LPCAT1: variants seen among roughly 807,000 people sequenced by gnomAD.
The protein encoded by LPCAT1 is lysophosphatidylcholine acyltransferase 1, also known as 1-acylglycerol-3-phosphate O-acyltransferase.
LPCAT1 carries 23 observed loss-of-function variants against 60.9 expected under a neutral mutation model. The ratio of observed to expected loss-of-function variants is 0.38; its 90% CI spans 0.27 to 0.53. The LOEUF is 0.53. Among genes scored for constraint, LPCAT1 ranks in the 20% least tolerant of loss-of-function variants. The pLI is 0.82. For synonymous variants in LPCAT1, 340 were observed against 301.1 expected (o/e 1.13, Z -1.34); for missense variants, 622 against 723.6 (o/e 0.86, Z 1.61).
rs532630850 is a variant in LPCAT1, at chr5:1,486,452, C to T, written c.667+1939G>A. Among the ~76,000 whole-genome samples, 18 of 152,252 alleles carry T rather than the reference C, an allele frequency of 1.2e-4. No individual in the cohort carries two copies. The South Asian group carries it at 1.2e-3, about 11-fold the overall frequency. On this transcript the variant is annotated intron_variant, in intron 5 of 13. Coordinates refer to ENST00000283415, the MANE Select transcript of LPCAT1 (RefSeq NM_024830.5). ...GCGGGAAGGTCTCCGGGGATGAAGG[C>T]GGGGAGTCAGCAGTGGTGCCCAAAC... is the stretch of plus-strand genomic sequence containing the variant.
In LPCAT1 at chr5:1,469,053, G is replaced by A. The variant is rs1734560766; in HGVS notation, c.1278+1773C>T. Among the ~76,000 whole-genome samples, 3 of 152,374 alleles carry A rather than the reference G, an allele frequency of 2.0e-5. No homozygotes were observed. In the South Asian group the frequency reaches 6.2e-4, roughly 32 times the overall value. On this transcript the variant is annotated intron_variant, in intron 12 of 13. Coordinates refer to ENST00000283415, the MANE Select transcript of LPCAT1 (RefSeq NM_024830.5). ...GGGGAAGCAGCCTGCAAGAAGGTGG[G>A]AGGAAGGCAGGGCATATGCCGTCAG...
In LPCAT1 at chr5:1,504,044, GCTCTT is replaced by G. The variant is rs375162246; in HGVS notation, c.136-2446_136-2442del. The stretch of plus-strand genomic sequence containing the variant: ...TTGTGACCTAATCATATTAATTTTG[GCTCTT>G]ATTAGTTCCTCTTTCTTCTGCTTTG... On this transcript the variant is annotated intron_variant, in intron 1 of 13. Coordinates refer to ENST00000283415, the MANE Select transcript of LPCAT1 (RefSeq NM_024830.5). Among the ~76,000 whole-genome samples the G allele has an allele frequency of 6.5e-4, 99 of 152,166 alleles. 1 individual carries two copies. Among genetic ancestry groups the G allele is most frequent in the African/African-American group, 2.3e-3 (95 of 41,524 alleles).
At chr5:1,484,507 A>G (rs1447260870) in intron 5 of LPCAT1, among the ~76,000 whole-genome samples, 1 of 152,176 alleles carries the variant, frequency 6.6e-6, no homozygotes, top group Non-Finnish European at 1.5e-5. Context: ...GTGAATCCCC[A>G]GGCAGCGCGT....
intron 1 of LPCAT1, among the ~76,000 whole-genome samples, chr5:1,517,564 C>A (rs1342569150): frequency 6.6e-6 from 1 of 152,204 alleles, no homozygotes; most frequent in African/African-American, 2.4e-5. Flanking sequence ...AGACACCCAG[C>A]AAGTGTGGTA....
chr5:1,489,370 G>C (rs1735485737), intron 4 of LPCAT1, among the ~76,000 whole-genome samples: 1 of 152,224 alleles, frequency 6.6e-6, no homozygotes, highest in Non-Finnish European at 1.5e-5. Flanking sequence ...CTGGGAACCA[G>C]CATACAGACC....
rs1736746541 is a variant in LPCAT1, at chr5:1,523,699, T to C, written c.135+11A>G. On this transcript the variant is annotated intron_variant, in intron 1 of 13. Coordinates refer to ENST00000283415, the MANE Select transcript of LPCAT1 (RefSeq NM_024830.5). The surrounding 1 kb of genome is among the most constrained non-coding windows in gnomAD (Gnocchi z 7.1). ...CGCCGGCTCCCGGGGCCGCGCGCCC[T>C]GGGCACCCACCTGGGCCTTCTGCAG... 3.6e-6 allele frequency: 4 copies of C among 1,102,818 alleles called. No homozygotes were observed. The highest frequency in any genetic ancestry group is 6.5e-5 in the South Asian group (2 of 30,560). The allele number at this position is 1,102,818 out of a possible 1,614,324, so 68.3% of individuals were successfully genotyped here.
At position 1,522,161 on chromosome 5, in the gene LPCAT1, C is replaced by CG. The variant is rs1442675370; in HGVS notation, c.135+1548dup. Among the ~76,000 whole-genome samples, 1 of 151,824 alleles carries CG rather than the reference C, an allele frequency of 6.6e-6. No homozygotes were observed. The highest frequency in any genetic ancestry group is 1.5e-5 in the Non-Finnish European group (1 of 68,014). On this transcript the variant is annotated intron_variant, in intron 1 of 13. Coordinates refer to ENST00000283415, the MANE Select transcript of LPCAT1 (RefSeq NM_024830.5). The surrounding 1 kb of genome is among the most constrained non-coding windows in gnomAD (Gnocchi z 6.8). ...CCACAGCAGGGGTTCGAATTTCATC[C>CG]GGGGGCGTCCCCGCTGAGGGCTTCC...
At chr5:1,467,024 G>T in intron 12 of LPCAT1, 134 bp from the exon 13 acceptor site, 1 of 955,508 alleles carries the variant, frequency 1.0e-6, no homozygotes, top group Non-Finnish European at 1.4e-6. Context: ...GGCTGGACAC[G>T]GGGGACTCGA....
At position 1,521,577 on chromosome 5, in the gene LPCAT1, A is replaced by G; in HGVS notation, c.135+2133T>C. The G allele has an allele frequency of 3.0e-6, 2 of 676,210 alleles. No individual in the cohort carries two copies. Among genetic ancestry groups the G allele is most frequent in the Non-Finnish European group, 3.7e-6 (2 of 547,830 alleles). The allele number at this position is 676,210 out of a possible 1,614,324, so 41.9% of individuals were successfully genotyped here. The stretch of plus-strand genomic sequence containing the variant: ...GCAGAGAACTTTGAGAACGTTTACA[A>G]ACTAAACCCTTGAGCCACACATTGC... On this transcript the variant is annotated intron_variant, in intron 1 of 13. Coordinates refer to ENST00000283415, the MANE Select transcript of LPCAT1 (RefSeq NM_024830.5). The surrounding 1 kb of genome is among the most constrained non-coding windows in gnomAD (Gnocchi z 4.3).
Position 1,523,763 on chromosome 5 carries a change from C to T in LPCAT1, c.82G>A (p.Gly28Arg). ...ASDARLLAPP[G>R]RNPFVHELRL... ...AGCTCGTGCACGAAGGGGTTCCGCC[C>T]CGGGGGCGCCAGCAGCCGAGCGTCG... Residue 28 changes from glycine (G) to arginine (R), a missense_variant, in exon 1 of 14, where the codon GGG becomes AGG. Physicochemically the swap from Gly to Arg is moderately radical, Grantham distance 125. Coordinates refer to ENST00000283415, the MANE Select transcript of LPCAT1 (RefSeq NM_024830.5). The surrounding 1 kb of genome is among the most constrained non-coding windows in gnomAD (Gnocchi z 7.1). 1 of 1,158,776 alleles carries T rather than the reference C, an allele frequency of 8.6e-7. No homozygotes were observed. The highest frequency in any genetic ancestry group is 1.1e-6 in the Non-Finnish European group (1 of 936,376). The allele number at this position is 1,158,776 out of a possible 1,614,324, so 71.8% of individuals were successfully genotyped here. A position where few individuals can be genotyped will look rare whatever the true frequency, so the allele number is the denominator to read the frequency against.
chr5:1,473,496 G>A (rs566573137), intron 11 of LPCAT1, among the ~76,000 whole-genome samples: 12 of 152,236 alleles, frequency 7.9e-5, no homozygotes, highest in African/African-American at 1.4e-4. Flanking sequence ...GATGACGTGC[G>A]GAGGGCAGAG....
rs530971982 is a variant in LPCAT1, at chr5:1,505,917, C to A, written c.136-4314G>T. Among the ~76,000 whole-genome samples, 4 of 152,360 alleles carry A rather than the reference C, an allele frequency of 2.6e-5. No homozygotes were observed. In the South Asian group the frequency reaches 8.3e-4, roughly 32 times the overall value. On this transcript the variant is annotated intron_variant, in intron 1 of 13. Transcript: ENST00000283415. The stretch of plus-strand genomic sequence containing the variant: ...GTGACGCTCCCCACCAGTCAGTGCA[C>A]CTGCTCCTGTTGGTGTCCCAGAAGA...
intron 12 of LPCAT1, among the ~76,000 whole-genome samples, chr5:1,470,349 G>A (rs1734616170): frequency 1.3e-5 from 2 of 152,238 alleles, no homozygotes; most frequent in Non-Finnish European, 2.9e-5. Flanking sequence ...CAAGTCCTGA[G>A]GGCTTCCCAG....
intron 1 of LPCAT1, among the ~76,000 whole-genome samples, chr5:1,519,527 C>T (rs1329612726): frequency 2.6e-5 from 4 of 152,356 alleles, no homozygotes; most frequent in South Asian, 2.1e-4. Context: ...GGAACGCTCT[C>T]GATGACTTTG....
chr5:1,498,537 A>C (rs1579798064), intron 2 of LPCAT1, among the ~76,000 whole-genome samples: 2 of 152,182 alleles, frequency 1.3e-5, no homozygotes, highest in Non-Finnish European at 2.9e-5. Flanking sequence ...ACATGCACAC[A>C]CACACTCATA....
Position 1,521,800 on chromosome 5 carries a change from G to A in LPCAT1, c.135+1910C>T, listed in dbSNP as rs921531351. On this transcript the variant is annotated intron_variant, in intron 1 of 13. Transcript: ENST00000283415. This position sits in a 1 kb window ranked among gnomAD's most constrained non-coding sequence, Gnocchi z 4.3. ...ACCAGGAGCCTCTCGATGACCCCCT[G>A]CCCAAGAGCCACTGGGAGCAGCTTG... 1.3e-5 allele frequency among the ~76,000 whole-genome samples: 2 copies of A among 152,090 alleles called. No individual in the cohort carries two copies. Among genetic ancestry groups the A allele is most frequent in the African/African-American group, 4.8e-5 (2 of 41,422 alleles).
intron 2 of LPCAT1, among the ~76,000 whole-genome samples, chr5:1,498,492 A>AT (rs1472424953): frequency 6.6e-6 from 1 of 152,140 alleles, no homozygotes; most frequent in Non-Finnish European, 1.5e-5. Flanking sequence ...GCACACATTC[A>AT]CACACATACA....
intron 11 of LPCAT1, 61 bp downstream of exon 11, chr5:1,473,896 T>C (rs1428171463): frequency 7.6e-6 from 12 of 1,574,042 alleles, no homozygotes; most frequent in Admixed American, 5.5e-5. Flanking sequence ...ATGAGAACAA[T>C]TTATGCTTCA....
chr5:1,476,844 G>C lies in LPCAT1; in HGVS notation c.899+560C>G, dbSNP rs192378628. Among the ~76,000 whole-genome samples, 347 of 148,140 alleles carry C rather than the reference G, an allele frequency of 2.3e-3. 2 individuals are homozygous for C. The East Asian group carries it at 0.031, about 13-fold the overall frequency. The stretch of plus-strand genomic sequence containing the variant: ...AGCTGACGACACCGAGGGAGGGAGA[G>C]GGGGAGGGCGTGTGAGCCGACAGCA... On this transcript the variant is annotated intron_variant, in intron 9 of 13. Coordinates refer to ENST00000283415, the MANE Select transcript of LPCAT1 (RefSeq NM_024830.5). This position sits in a 1 kb window ranked among gnomAD's most constrained non-coding sequence, Gnocchi z 8.6.
Sources: gnomAD v4.1 joint callset for allele counts (sites outside exome capture counted in the v4.1 genomes callset) on GRCh38, gnomAD v4.1.1 for gene constraint, Gnocchi (gnomAD v3.1) non-coding constraint, MANE v1.5 for transcripts, NCBI Gene and HGNC (gene_info 2026-07-23, HGNC 2026-07-21) for gene names.